The following TSHZ2 variants were observed in gnomAD, a reference collection of about 807,000 sequenced individuals.
TSHZ2 encodes the protein teashirt zinc finger homeobox 2, also known as teashirt homolog 2.
A neutral mutation model predicts 74.4 loss-of-function variants in TSHZ2; 21 were observed. That is an observed-to-expected ratio of 0.28 (90% CI 0.20 to 0.41). The LOEUF is 0.41. Ranked by LOEUF, TSHZ2 falls within the 10% of genes least tolerant of loss-of-function variation. The pLI is 1.00. For synonymous variants in TSHZ2, 540 were observed against 515.3 expected, an observed-to-expected ratio of 1.05 and a Z score of -0.65; for missense variants, 1,244 against 1,293.5, an observed-to-expected ratio of 0.96 and a Z score of 0.59.
At chr20:53,453,417 AAAC>A (rs1358262116) in intron 2 of TSHZ2, among the ~76,000 whole-genome samples, 4 of 152,218 alleles carry the variant, frequency 2.6e-5, no homozygotes, top group Admixed American at 6.5e-5. Context: ...TGATTTATAG[AAAC>A]AACAACAAAT....
chr20:53,301,709 TG>T (rs1225466453), intron 2 of TSHZ2, among the ~76,000 whole-genome samples: 2 of 152,236 alleles, frequency 1.3e-5, no homozygotes, highest in Non-Finnish European at 2.9e-5. Context: ...TATTGTTACT[TG>T]GTTGCTTGGC....
At chr20:53,456,691 G>T (rs1473571710) in intron 2 of TSHZ2, among the ~76,000 whole-genome samples, 2 of 122,008 alleles carry the variant, frequency 1.6e-5, no homozygotes, top group Non-Finnish European at 3.3e-5. Flanking sequence ...ATGGTTTTAG[G>T]TCTAACGTTT....
intron 1 of TSHZ2, among the ~76,000 whole-genome samples, chr20:53,199,836 C>T (rs1409211345): frequency 6.6e-6 from 1 of 152,182 alleles, no homozygotes; most frequent in African/African-American, 2.4e-5. Flanking sequence ...ATTCTGCCCA[C>T]CACAGCCTCA....
chr20:53,290,560 C>G (rs758027346), intron 2 of TSHZ2, among the ~76,000 whole-genome samples: 1 of 152,030 alleles, frequency 6.6e-6, no homozygotes, highest in Non-Finnish European at 1.5e-5. Flanking sequence ...AACAATGTCC[C>G]CCATATTTTT....
chr20:53,186,095 C>T (rs1205197720), intron 1 of TSHZ2, among the ~76,000 whole-genome samples: 6 of 152,198 alleles, frequency 3.9e-5, no homozygotes, highest in African/African-American at 1.4e-4. Context: ...ATCACACGCT[C>T]TTATTAACTT....
intron 2 of TSHZ2, among the ~76,000 whole-genome samples, chr20:53,446,332 G>C (rs1333514980): frequency 1.3e-5 from 2 of 151,614 alleles, no homozygotes; most frequent in Admixed American, 6.6e-5. Flanking sequence ...GGGAGGCCGA[G>C]GCGGGCAGAT....
At chr20:53,100,628 A>G (rs1170814467) in intron 1 of TSHZ2, among the ~76,000 whole-genome samples, 2 of 152,032 alleles carry the variant, frequency 1.3e-5, no homozygotes, top group African/African-American at 4.8e-5. Context: ...GTTCCCAAGG[A>G]TGGTAACTAT....
chr20:53,050,141 GTATA>G (rs1197922223), intron 1 of TSHZ2, among the ~76,000 whole-genome samples: 3 of 76,420 alleles, frequency 3.9e-5, no homozygotes, highest in Admixed American at 3.8e-4. Context: ...ATATATATGT[GTATA>G]TATATATACA....
At chr20:53,395,370 G>T (rs537151109) in intron 2 of TSHZ2, among the ~76,000 whole-genome samples, 21 of 152,206 alleles carry the variant, frequency 1.4e-4, no homozygotes, top group Admixed American at 2.6e-4. Context: ...TGCAGGAAAG[G>T]GTTGGGTGTG....
intron 1 of TSHZ2, among the ~76,000 whole-genome samples, chr20:53,112,451 T>C (rs981562256): frequency 5.9e-5 from 9 of 152,202 alleles, no homozygotes; most frequent in African/African-American, 2.2e-4. Flanking sequence ...TCTTCTACTT[T>C]TTCTATCCTT....
chr20:53,238,873 C>T (rs1432477309), intron 1 of TSHZ2, among the ~76,000 whole-genome samples: 1 of 149,112 alleles, frequency 6.7e-6, no homozygotes, highest in Non-Finnish European at 1.5e-5. Flanking sequence ...AGCTACGCTA[C>T]CTACTTTAAC....
chr20:53,467,659 C>T (rs1483131797), intron 2 of TSHZ2, among the ~76,000 whole-genome samples: 2 of 152,120 alleles, frequency 1.3e-5, no homozygotes, highest in Non-Finnish European at 2.9e-5. Flanking sequence ...CAGAGCCAAA[C>T]TATTAACACA....
chr20:52,990,754 T>C (rs141519250), intron 1 of TSHZ2, among the ~76,000 whole-genome samples: 271 of 152,340 alleles, frequency 1.8e-3, no homozygotes, highest in African/African-American at 5.9e-3. Flanking sequence ...TGAAGCTCAC[T>C]GGTAGGTCCA....
intron 2 of TSHZ2, among the ~76,000 whole-genome samples, chr20:53,465,559 C>A (rs1985531860): frequency 6.6e-6 from 1 of 152,072 alleles, no homozygotes; most frequent in East Asian, 1.9e-4. Flanking sequence ...GCATGAGACA[C>A]CGCACCCAGC....
rs1267307970 is a variant in TSHZ2 at position 52,973,152 on chromosome 20, G to C, written c.-142G>C. On this transcript the variant is annotated 5_prime_UTR_variant, in exon 1 of 3. Coordinates refer to ENST00000371497, the MANE Select transcript of TSHZ2 (RefSeq NM_173485.6). Reference sequence around the variant, plus strand: ...TGGTGGAGGAGTTGCAGGGGGGATCGTCAGGGGGACAGAGGCCGAGTGACG... The same window carrying C: ...TGGTGGAGGAGTTGCAGGGGGGATCCTCAGGGGGACAGAGGCCGAGTGACG... 6.5e-6 allele frequency: 7 copies of C among 1,082,856 alleles called. No individual in the cohort carries two copies. The highest frequency in any genetic ancestry group is 2.5e-5 in the Admixed American group (1 of 39,522). The allele number at this position is 1,082,856 out of a possible 1,614,324, so 67.1% of individuals were successfully genotyped here. A position where few individuals can be genotyped will look rare whatever the true frequency, so the allele number is the denominator to read the frequency against.
intron 1 of TSHZ2, among the ~76,000 whole-genome samples, chr20:53,025,772 G>C (rs1463413619): frequency 6.6e-6 from 1 of 152,182 alleles, no homozygotes; most frequent in Non-Finnish European, 1.5e-5. Context: ...TCTCTGCAGT[G>C]CACACAGGCC....
At chr20:53,277,870 C>T (rs1990977617) in intron 2 of TSHZ2, among the ~76,000 whole-genome samples, 1 of 152,170 alleles carries the variant, frequency 6.6e-6, no homozygotes, top group Admixed American at 6.5e-5. Context: ...GATTGGTCCA[C>T]CCAGAGGAGT....
chr20:53,436,545 A>ATTTT (rs1430483512), intron 2 of TSHZ2, among the ~76,000 whole-genome samples: 8 of 101,958 alleles, frequency 7.8e-5, no homozygotes, highest in East Asian at 3.2e-4. Context: ...TATTATTATT[A>ATTTT]TTATTTTTTT....
intron 2 of TSHZ2, among the ~76,000 whole-genome samples, chr20:53,470,148 T>C (rs1271588763): frequency 6.6e-6 from 1 of 152,136 alleles, no homozygotes; most frequent in Non-Finnish European, 1.5e-5. Flanking sequence ...GAAAACTACA[T>C]GGAAGAAAGG....
Sources: allele counts gnomAD v4.1 joint callset (sites outside exome capture counted in the v4.1 genomes callset), GRCh38; gene constraint gnomAD v4.1.1; transcripts MANE v1.5; gene names NCBI Gene and HGNC (gene_info 2026-07-23, HGNC 2026-07-21).